SRRM4: variants seen among roughly 807,000 people sequenced by gnomAD.
SRRM4 encodes the protein serine/arginine repetitive matrix 4, also known as serine/arginine repetitive matrix protein 4.
Under a neutral mutation model 68.9 loss-of-function variants are expected in SRRM4, and 33 were observed. The ratio of observed to expected loss-of-function variants is 0.48; its 90% confidence interval spans 0.36 to 0.64. SRRM4 has a LOEUF of 0.64. Ranked by LOEUF, SRRM4 falls within the 30% of genes least tolerant of loss-of-function variation. The pLI, the probability that SRRM4 is intolerant of heterozygous loss-of-function variation, is 0.00. For missense variants in SRRM4, 817 were observed against 827.1 expected, an observed-to-expected ratio of 0.99 and a Z score of 0.15; for synonymous variants, 318 against 318.8, an observed-to-expected ratio of 1.00 and a Z score of 0.03.
chr12:119,110,909 T>C (rs1457341435), intron 2 of SRRM4, among the ~76,000 whole-genome samples: 1 of 152,212 alleles, frequency 6.6e-6, no homozygotes, highest in Non-Finnish European at 1.5e-5. Context: ...TCACTCACGC[T>C]GGGAGCTGTA....
intron 7 of SRRM4, among the ~76,000 whole-genome samples, chr12:119,127,148 A>T (rs1221141573): frequency 6.6e-6 from 1 of 151,522 alleles, no homozygotes; most frequent in Non-Finnish European, 1.5e-5. Context: ...AGCATGGCAC[A>T]TGTATACATA....
intron 1 of SRRM4, among the ~76,000 whole-genome samples, chr12:119,100,348 G>A (rs973620822): frequency 2.5e-5 from 2 of 81,264 alleles, no homozygotes; most frequent in African/African-American, 9.6e-5. Context: ...AAAAAATCTG[G>A]GTGTGGTGGT....
At chr12:119,148,804 A>T (rs1954419992) in intron 9 of SRRM4, among the ~76,000 whole-genome samples, 1 of 152,248 alleles carries the variant, frequency 6.6e-6, no homozygotes, top group African/African-American at 2.4e-5. Flanking sequence ...TTTCACTTTG[A>T]AATATAAATG....
chr12:119,033,585 A>G (rs1468051103), intron 1 of SRRM4, among the ~76,000 whole-genome samples: 10 of 150,924 alleles, frequency 6.6e-5, no homozygotes, highest in Non-Finnish European at 1.5e-4. Context: ...AATCGCTTGA[A>G]CCCAAGAGGC....
In SRRM4 at chr12:119,116,749, G is replaced by C. The variant is rs965984448; in HGVS notation, c.366-188G>C. 1.3e-5 allele frequency: 7 copies of C among 539,334 alleles called. 1 individual carries two copies. Among genetic ancestry groups the C allele is most frequent in the East Asian group, 2.9e-5 (1 of 34,036 alleles). The allele number at this position is 539,334 out of a possible 1,614,324, so 33.4% of individuals were successfully genotyped here. ...GTTAAAAATTAAAATCAAATGAAAA[G>C]TAAAATTAAATTTGTGAGCAATTAA... is the stretch of plus-strand genomic sequence containing the variant. On this transcript the variant is annotated intron_variant, in intron 3 of 12. Coordinates refer to ENST00000267260, the MANE Select transcript of SRRM4 (RefSeq NM_194286.4).
At chr12:119,078,460 C>A (rs541208883) in intron 1 of SRRM4, among the ~76,000 whole-genome samples, 1 of 152,164 alleles carries the variant, frequency 6.6e-6, no homozygotes, top group Non-Finnish European at 1.5e-5. Flanking sequence ...CTGCACATAT[C>A]CTTAAAGGGC....
At chr12:119,089,226 G>A (rs73211884) in intron 1 of SRRM4, among the ~76,000 whole-genome samples, 4,855 of 152,156 alleles carry the variant, frequency 0.032, 84 homozygotes, top group African/African-American at 0.043. Context: ...GAAACCCACC[G>A]CACCACCCCA....
At chr12:119,118,796 T>C (rs550176841) in intron 4 of SRRM4, among the ~76,000 whole-genome samples, 2 of 152,272 alleles carry the variant, frequency 1.3e-5, no homozygotes, top group African/African-American at 4.8e-5. Flanking sequence ...TTCCTTCTCA[T>C]GAGAAAGACA....
chr12:119,050,355 T>TC (rs1426981295), intron 1 of SRRM4, among the ~76,000 whole-genome samples: 4 of 152,242 alleles, frequency 2.6e-5, no homozygotes, highest in African/African-American at 4.8e-5. Flanking sequence ...TGTGCCAGGT[T>TC]CTAGTGATGA....
chr12:119,024,468 G>A (rs78675396), intron 1 of SRRM4, among the ~76,000 whole-genome samples: 2,986 of 152,280 alleles, frequency 0.02, 87 homozygotes, highest in African/African-American at 0.068. Context: ...AAGCCCCCTC[G>A]GCTGGGCCCC....
intron 1 of SRRM4, among the ~76,000 whole-genome samples, chr12:119,083,973 G>T (rs925107666): frequency 1.5e-4 from 23 of 152,226 alleles, no homozygotes; most frequent in African/African-American, 5.5e-4. Context: ...GTCCTGCAAA[G>T]CATCACTGAG....
intron 1 of SRRM4, among the ~76,000 whole-genome samples, chr12:119,097,964 T>C (rs1025039677): frequency 1.3e-5 from 2 of 152,216 alleles, no homozygotes; most frequent in African/African-American, 4.8e-5. Context: ...ATCGATTTAT[T>C]TTCTACAATG....
intron 8 of SRRM4, among the ~76,000 whole-genome samples, chr12:119,142,723 C>A (rs534052601): frequency 6.6e-6 from 1 of 152,156 alleles, no homozygotes; most frequent in Non-Finnish European, 1.5e-5. Context: ...ACACTGGCTA[C>A]CAACCACTCA....
At chr12:119,133,931 G>A (rs73410055) in intron 8 of SRRM4, among the ~76,000 whole-genome samples, 5,246 of 152,234 alleles carry the variant, frequency 0.034, 300 homozygotes, top group African/African-American at 0.12. Context: ...AGACAGGGGA[G>A]GGGACTGGGA....
chr12:119,033,142 T>A (rs1426626836), intron 1 of SRRM4, among the ~76,000 whole-genome samples: 1 of 152,198 alleles, frequency 6.6e-6, no homozygotes, highest in Admixed American at 6.5e-5. Context: ...TATTATTCCT[T>A]CCTCCTTTGT....
chr12:119,025,491 C>A (rs149042849), intron 1 of SRRM4, among the ~76,000 whole-genome samples: 1 of 152,024 alleles, frequency 6.6e-6, no homozygotes, highest in Non-Finnish European at 1.5e-5. Context: ...GTTGCCCAGG[C>A]TGGAGGGCAA....
At chr12:118,985,536 C>G (rs879044828) in intron 1 of SRRM4, among the ~76,000 whole-genome samples, 1 of 152,152 alleles carries the variant, frequency 6.6e-6, no homozygotes, top group Non-Finnish European at 1.5e-5. Context: ...GAAGATCTAA[C>G]AGAGATCATC....
chr12:119,022,485 A>G (rs1953522463), intron 1 of SRRM4, among the ~76,000 whole-genome samples: 1 of 152,200 alleles, frequency 6.6e-6, no homozygotes, highest in African/African-American at 2.4e-5. Context: ...CAAAGCAGCA[A>G]TAGAAATGTA....
chr12:118,991,290 C>T (rs962127409), intron 1 of SRRM4, among the ~76,000 whole-genome samples: 3 of 152,166 alleles, frequency 2.0e-5, no homozygotes, highest in African/African-American at 7.2e-5. Context: ...GGAGCCTTTG[C>T]ACATGCTGCT....
Sources: gnomAD v4.1 joint callset for allele counts (sites outside exome capture counted in the v4.1 genomes callset) on GRCh38, gnomAD v4.1.1 for gene constraint, MANE v1.5 for transcripts, NCBI Gene and HGNC (gene_info 2026-07-23, HGNC 2026-07-21) for gene names.